AQR: variants seen among roughly 807,000 people sequenced by gnomAD.
The protein encoded by AQR is aquarius intron-binding spliceosomal factor.
AQR carries 61 observed loss-of-function variants against 180.5 expected under a neutral mutation model. That is an observed-to-expected ratio of 0.34 (90% confidence interval 0.28 to 0.42). The LOEUF is 0.42. Among genes scored for constraint, AQR ranks in the 10% least tolerant of loss-of-function variants. The pLI, the probability that AQR is intolerant of heterozygous loss-of-function variation, is 1.00. For synonymous variants in AQR, 551 were observed against 588.8 expected (o/e 0.94, Z 0.93); for missense variants, 1,281 against 1,798.3 (o/e 0.71, Z 5.20).
chr15:34,886,015 C>T (rs1174970431), intron 25 of AQR, among the ~76,000 whole-genome samples: 1 of 152,050 alleles, frequency 6.6e-6, no homozygotes, highest in East Asian at 1.9e-4. Flanking sequence ...TTCACACTTC[C>T]AAAATTTACC....
Position 34,890,292 on chromosome 15 carries a change from T to C in AQR, c.2604A>G (p.Ala868=), listed in dbSNP as rs370445780. ...GTAGGTGGCGCTCATCAATGTCTAA[T>C]GCCATGATTTTCTCAAACAACTGGT... ...ALNQLFEKIM[A]LDIDERHLLR... is the part of the protein sequence containing the mutation. Residue 868 remains alanine (A), a synonymous_variant, in exon 24 of 35, where the codon GCA becomes GCG. Coordinates refer to ENST00000156471, the MANE Select transcript of AQR (RefSeq NM_014691.3). The C allele has an allele frequency of 1.2e-5, 19 of 1,613,680 alleles. No homozygotes were observed. Among genetic ancestry groups the C allele is most frequent in the Non-Finnish European group, 1.4e-5 (17 of 1,179,870 alleles).
At chr15:34,865,704 C>T (rs1892730304) in intron 32 of AQR, among the ~76,000 whole-genome samples, 1 of 152,128 alleles carries the variant, frequency 6.6e-6, no homozygotes, top group Non-Finnish European at 1.5e-5. Flanking sequence ...GACATAGCCA[C>T]ACAATGGAAT....
chr15:34,938,873 CTTT>C (rs1487369148), intron 8 of AQR, 60 bp from the exon 9 acceptor site: 1 of 1,260,690 alleles, frequency 7.9e-7, no homozygotes, highest in African/African-American at 1.5e-5. Context: ...CAAAAGTAAA[CTTT>C]AAATGTTGAC....
intron 21 of AQR, among the ~76,000 whole-genome samples, chr15:34,897,327 C>CT (rs1893261177): frequency 6.6e-6 from 1 of 152,168 alleles, no homozygotes; most frequent in Non-Finnish European, 1.5e-5. Flanking sequence ...AGGTAGACCT[C>CT]TAACATTTAT....
intron 32 of AQR, among the ~76,000 whole-genome samples, chr15:34,865,403 T>G (rs1328607867): frequency 6.6e-6 from 1 of 152,104 alleles, no homozygotes; most frequent in Non-Finnish European, 1.5e-5. Flanking sequence ...CCTCTGGAAC[T>G]GAAGCTGGCT....
intron 4 of AQR, among the ~76,000 whole-genome samples, chr15:34,950,310 G>A (rs1006752212): frequency 1.3e-4 from 20 of 151,916 alleles, no homozygotes; most frequent in Admixed American, 2.6e-4. Flanking sequence ...GTATGGTCTC[G>A]ATCTCTTGAC....
intron 5 of AQR, among the ~76,000 whole-genome samples, chr15:34,947,920 G>A (rs918179803): frequency 6.6e-6 from 1 of 152,178 alleles, no homozygotes; most frequent in African/African-American, 2.4e-5. Flanking sequence ...TTATAGGCAT[G>A]AGTGACAGCA....
chr15:34,884,010 A>T (rs926694352), intron 26 of AQR, among the ~76,000 whole-genome samples: 1 of 152,202 alleles, frequency 6.6e-6, no homozygotes, highest in Non-Finnish European at 1.5e-5. Context: ...GAATTTCTTG[A>T]CGGAAGCATT....
At chr15:34,919,300 C>T (rs1193811234) in intron 14 of AQR, among the ~76,000 whole-genome samples, 1 of 150,330 alleles carries the variant, frequency 6.7e-6, no homozygotes, top group African/African-American at 2.4e-5. Flanking sequence ...GCTAAAATGA[C>T]ATATTCTTAA....
chr15:34,894,848 C>T (rs1418666979), intron 22 of AQR, among the ~76,000 whole-genome samples: 1 of 151,614 alleles, frequency 6.6e-6, no homozygotes, highest in African/African-American at 2.4e-5. Flanking sequence ...ACTAAGAAAA[C>T]ACTACACCCA....
intron 26 of AQR, among the ~76,000 whole-genome samples, chr15:34,884,223 AT>A (rs949510701): frequency 2.0e-5 from 3 of 152,094 alleles, no homozygotes; most frequent in Admixed American, 6.5e-5. Flanking sequence ...CCTGGCCAAC[AT>A]GGTGAAACCC....
intron 18 of AQR, among the ~76,000 whole-genome samples, chr15:34,905,113 A>AG (rs575419415): frequency 0.012 from 905 of 75,256 alleles, 12 homozygotes; most frequent in African/African-American, 0.037. Flanking sequence ...GGTGGGGGGA[A>AG]GGGGGGGTCT....
chr15:34,860,087 G>C lies in AQR; in HGVS notation c.4098C>G (p.Tyr1366Ter). ...KNMPQMANFVYNMYMHLIQTT... is the reference protein window; with the variant it reads ...KNMPQMANFV ...TCTGTATCAAATGCATGTACATGTT[G>C]TATACAAAGTTTGCCATCTGGGGCA... The change falls in exon 34 of 35, where the codon TAC (tyrosine) becomes TAG (stop). Residue 1366 changes from tyrosine (Y) to a stop codon, truncating the protein, a stop_gained. Transcript: ENST00000156471. LOFTEE classifies it low-confidence loss of function (END_TRUNC). 2 of 1,520,742 alleles carry C rather than the reference G, an allele frequency of 1.3e-6. No homozygotes were observed. Among genetic ancestry groups the C allele is most frequent in the Non-Finnish European group, 1.8e-6 (2 of 1,121,374 alleles). 94.2% of individuals were successfully genotyped at this position (1,520,742 alleles called of 1,614,324 possible). A position where few individuals can be genotyped will look rare whatever the true frequency, so the allele number is the denominator to read the frequency against.
At chr15:34,964,525 C>T in intron 1 of AQR, 1 of 611,512 alleles carries the variant, frequency 1.6e-6, no homozygotes, top group South Asian at 1.6e-5. Context: ...AACAAACAAA[C>T]AAAATCCTCT....
intron 21 of AQR, among the ~76,000 whole-genome samples, chr15:34,897,208 C>T (rs76954458): frequency 0.019 from 2,962 of 152,266 alleles, 44 homozygotes; most frequent in Non-Finnish European, 0.029. Context: ...TTCTAGTTTC[C>T]ATTCTAATAC....
chr15:34,959,033 ATCTG>A (rs954771619), intron 3 of AQR, among the ~76,000 whole-genome samples: 1 of 151,884 alleles, frequency 6.6e-6, no homozygotes, highest in African/African-American at 2.4e-5. Context: ...ATATATAGAT[ATCTG>A]TCTGTCCGTC....
rs1397220501 is a variant in AQR at position 34,874,725 on chromosome 15, A to C, written c.3377T>G (p.Val1126Gly). The change falls in exon 29 of 35, where the codon GTT (valine) becomes GGT (glycine). Residue 1126 changes from valine to glycine, a missense_variant. Transcript: ENST00000156471. ...ATCAAGGTCAACAGTCGGAACTCCA[A>C]CGCGAACAAAGCGAGTGAAGAGAGA... ...EQSLFTRFVR[V>G]GVPTVDLDAQ... The C allele has an allele frequency of 6.2e-7, 1 of 1,613,698 alleles. No individual in the cohort carries two copies. Among genetic ancestry groups the C allele is most frequent in the Non-Finnish European group, 8.5e-7 (1 of 1,179,828 alleles).
rs371226184 is a variant in AQR at position 34,874,715 on chromosome 15, C to T, written c.3387G>A (p.Pro1129=). Reference sequence around the variant, plus strand: ...TCCCTTGAGCATCAAGGTCAACAGTCGGAACTCCAACGCGAACAAAGCGAG... The same window carrying T: ...TCCCTTGAGCATCAAGGTCAACAGTTGGAACTCCAACGCGAACAAAGCGAG... ...LFTRFVRVGV[P]TVDLDAQGRA... Residue 1129 remains proline (P), a synonymous_variant, in exon 29 of 35, where the codon CCG becomes CCA. Coordinates refer to ENST00000156471, the MANE Select transcript of AQR (RefSeq NM_014691.3). 1.2e-5 allele frequency: 20 copies of T among 1,613,572 alleles called. No homozygotes were observed. The highest frequency in any genetic ancestry group is 1.2e-4 in the African/African-American group (9 of 74,842).
At position 34,851,879 on chromosome 15, in the gene AQR, T is replaced by C. The variant is rs1892517193; in HGVS notation, c.*4913A>G. ...AAATTAAAATGTAAACAGAGAATGCTCAGTGACCTTTTCTTAGGAGGCTCA... is the reference window on the plus strand; with the variant it reads ...AAATTAAAATGTAAACAGAGAATGCCCAGTGACCTTTTCTTAGGAGGCTCA... On this transcript the variant is annotated 3_prime_UTR_variant, in exon 35 of 35. Coordinates refer to ENST00000156471, the MANE Select transcript of AQR (RefSeq NM_014691.3). 1.3e-5 allele frequency: 2 copies of C among 152,226 alleles called. No homozygotes were observed. The highest frequency in any genetic ancestry group is 2.9e-5 in the Non-Finnish European group (2 of 68,032). The allele number at this position is 152,226 out of a possible 1,614,324, so 9.4% of individuals were successfully genotyped here.
Sources: gnomAD v4.1 joint callset for allele counts (sites outside exome capture counted in the v4.1 genomes callset) on GRCh38, gnomAD v4.1.1 for gene constraint, MANE v1.5 for transcripts, NCBI Gene and HGNC (gene_info 2026-07-23, HGNC 2026-07-21) for gene names.